Variants in PITRM1 observed in about 807,000 individuals in gnomAD.
PITRM1 encodes the protein pitrilysin metallopeptidase 1.
A neutral mutation model predicts 129.9 loss-of-function variants in PITRM1; 100 were observed. The ratio of observed to expected loss-of-function variants is 0.77; its 90% confidence interval spans 0.65 to 0.91. The LOEUF (loss-of-function observed/expected upper bound fraction) is 0.91, where lower values mean the gene tolerates loss of function less well. Ranked by LOEUF, PITRM1 falls within the 40% of genes least tolerant of loss-of-function variation. The pLI, the probability that PITRM1 is intolerant of heterozygous loss-of-function variation, is 0.00. For missense variants in PITRM1, 1,471 were observed against 1,318.3 expected, an observed-to-expected ratio of 1.12 and a Z score of -1.79; for synonymous variants, 591 against 508.8, an observed-to-expected ratio of 1.16 and a Z score of -2.17.
chr10:3,157,121 C>G (rs1392680237), intron 12 of PITRM1, 57 bp from the exon 13 acceptor site: 2 of 1,510,620 alleles, frequency 1.3e-6, no homozygotes, highest in Non-Finnish European at 1.8e-6. Context: ...CAACCTCCAC[C>G]AACAGCCCAG....
At chr10:3,151,025 A>AAC (rs200445621) in intron 15 of PITRM1, among the ~76,000 whole-genome samples, 19 of 151,628 alleles carry the variant, frequency 1.3e-4, no homozygotes, top group East Asian at 9.7e-4. Context: ...CCCTCTCAGG[A>AAC]ACACACACAC....
intron 9 of PITRM1, 91 bp downstream of exon 9, chr10:3,159,757 C>A: frequency 1.4e-6 from 1 of 720,316 alleles, no homozygotes; most frequent in Non-Finnish European, 2.4e-6. Flanking sequence ...TATTAATTAA[C>A]ATTCAATTGT....
At chr10:3,166,014 CAT>C (rs934049441) in intron 4 of PITRM1, among the ~76,000 whole-genome samples, 6 of 152,178 alleles carry the variant, frequency 3.9e-5, no homozygotes, top group East Asian at 1.9e-4. Flanking sequence ...GAAAAGTTCA[CAT>C]ATGTTTTCTT....
intron 23 of PITRM1, among the ~76,000 whole-genome samples, chr10:3,142,170 G>A (rs1840297117): frequency 6.6e-6 from 1 of 152,220 alleles, no homozygotes; most frequent in Admixed American, 6.5e-5. Flanking sequence ...TGCCGGCATA[G>A]CAGACAGATC....
intron 7 of PITRM1, 118 bp from the exon 8 acceptor site, chr10:3,160,448 G>A (rs1842352006): frequency 1.5e-5 from 12 of 799,910 alleles, no homozygotes; most frequent in South Asian, 3.5e-5. Context: ...CTCGCCTTTC[G>A]GTTTCAGTCA....
intron 18 of PITRM1, 110 bp from the exon 19 acceptor site, chr10:3,147,847 TA>T (rs1841065105): frequency 2.5e-6 from 3 of 1,179,346 alleles, no homozygotes; most frequent in Non-Finnish European, 3.6e-6. Context: ...AAAGAAATTT[TA>T]TAAGTCCATA....
chr10:3,157,410 A>G (rs772593107), intron 12 of PITRM1, 25 bp downstream of exon 12: 10 of 1,455,148 alleles, frequency 6.9e-6, no homozygotes, highest in Admixed American at 6.3e-5. Flanking sequence ...TAAAACAAAA[A>G]CAAAATTGTT....
At chr10:3,165,920 T>C (rs1028793149) in intron 4 of PITRM1, among the ~76,000 whole-genome samples, 9 of 152,222 alleles carry the variant, frequency 5.9e-5, no homozygotes, top group African/African-American at 2.2e-4. Flanking sequence ...TCGTCAGTCT[T>C]ACTAAAAGTC....
intron 14 of PITRM1, among the ~76,000 whole-genome samples, chr10:3,154,187 A>G (rs914341838): frequency 6.6e-6 from 1 of 152,194 alleles, no homozygotes. Context: ...GAGATGCACC[A>G]ATACCAAGCG....
chr10:3,154,291 A>G (rs2132437450), intron 14 of PITRM1, among the ~76,000 whole-genome samples: 1 of 152,258 alleles, frequency 6.6e-6, no homozygotes, highest in African/African-American at 2.4e-5. Flanking sequence ...CTTTGTGCGG[A>G]CGCCTGTTTT....
Position 3,160,350 on chromosome 10 carries a change from T to A in PITRM1, c.792-20A>T, listed in dbSNP as rs754083775. ...AAGAACCTAAAATTTTAAGGGAATA[T>A]AATTAGTCTGTTTTAGTTTAAAAGA... On this transcript the variant is annotated intron_variant, in intron 7 of 26. Coordinates refer to ENST00000224949, the MANE Select transcript of PITRM1 (RefSeq NM_014889.4). 1 of 1,583,684 alleles carries A rather than the reference T, an allele frequency of 6.3e-7. No individual in the cohort carries two copies. The highest frequency in any genetic ancestry group is 2.2e-5 in the East Asian group (1 of 44,750).
At chr10:3,164,173 TG>T (rs1353537432) in intron 6 of PITRM1, 1 of 176,976 alleles carries the variant, frequency 5.7e-6, no homozygotes, top group Non-Finnish European at 1.2e-5. Flanking sequence ...TAAATCGGGA[TG>T]GATCAGTCGG....
At chr10:3,141,718 T>G (rs1186364962) in intron 23 of PITRM1, 1 of 465,808 alleles carries the variant, frequency 2.1e-6, no homozygotes, top group East Asian at 7.1e-5. Flanking sequence ...AGGTCGCCGC[T>G]TCCACAGACA....
intron 15 of PITRM1, among the ~76,000 whole-genome samples, chr10:3,149,994 C>G (rs1841344094): frequency 6.6e-6 from 1 of 152,160 alleles, no homozygotes; most frequent in African/African-American, 2.4e-5. Context: ...AACTTCTGGT[C>G]TCATAACTGC....
chr10:3,157,476 T>C lies in PITRM1; in HGVS notation c.1306A>G (p.Met436Val), dbSNP rs768129783. The C allele has an allele frequency of 1.2e-6, 2 of 1,611,510 alleles. No homozygotes were observed. The highest frequency in any genetic ancestry group is 2.2e-5 in the South Asian group (2 of 90,838). The part of the protein sequence containing the change: ...EALLHKIEIQ[M>V]KHQSTSFGLM... ...CCAAAGCTGGTAGACTGATGTTTCA[T>C]CTGTATTTCAATTTTATGAAGTAAA... The change falls in exon 12 of 27, where the codon ATG becomes GTG. Residue 436 changes from methionine (M) to valine (V), a missense_variant. Met to Val is a conservative substitution (Grantham distance 21, BLOSUM62 1). Transcript: ENST00000224949.
chr10:3,167,908 G>A (rs1843008042), intron 2 of PITRM1: 1 of 152,126 alleles, frequency 6.6e-6, no homozygotes, highest in African/African-American at 2.4e-5. Flanking sequence ...GGATAGAAAT[G>A]CCCACAAGAC....
At chr10:3,143,536 T>C (rs1393932740) in intron 22 of PITRM1, 35 bp from the exon 23 acceptor site, 2 of 1,422,794 alleles carry the variant, frequency 1.4e-6, no homozygotes, top group Admixed American at 3.3e-5. Context: ...GCGGCTGTGC[T>C]GCCATGCACC....
Position 3,143,468 on chromosome 10 carries a change from G to A in PITRM1, c.2566C>T (p.His856Tyr), listed in dbSNP as rs769525627. ...PTFKPWQMKT[H>Y]FLMPFPVNYV... Reference sequence around the variant, plus strand: ...TTCACCGGGAAGGGCATCAGGAAGTGAGTCTTCATCTGCCAGGGCTTGAAG... The same window carrying A: ...TTCACCGGGAAGGGCATCAGGAAGTAAGTCTTCATCTGCCAGGGCTTGAAG... Residue 856 changes from histidine to tyrosine, a missense_variant, in exon 23 of 27, where the codon CAC (histidine) becomes TAC (tyrosine). His to Tyr is a moderately conservative substitution (Grantham distance 83). Transcript: ENST00000224949. The A allele has an allele frequency of 2.5e-6, 4 of 1,613,648 alleles. No homozygotes were observed. The highest frequency in any genetic ancestry group is 1.7e-4 in the Middle Eastern group (1 of 6,060).
rs547269826 is a variant in PITRM1, at chr10:3,164,199, G to A, written c.631-314C>T. 2.1e-3 allele frequency: 335 copies of A among 162,066 alleles called. 1 individual carries two copies. Among genetic ancestry groups the A allele is most frequent in the Non-Finnish European group, 3.4e-3 (250 of 74,510 alleles). The allele number at this position is 162,066 out of a possible 1,614,324, so 10.0% of individuals were successfully genotyped here. A position where few individuals can be genotyped will look rare whatever the true frequency, so the allele number is the denominator to read the frequency against. On this transcript the variant is annotated intron_variant, in intron 6 of 26. Transcript: ENST00000224949. ...GGATCAGTCGGTCTGCCCACCAGCCGTGAGGGAAGTGGGGAGAAGCTGTCA... is the reference window on the plus strand; with the variant it reads ...GGATCAGTCGGTCTGCCCACCAGCCATGAGGGAAGTGGGGAGAAGCTGTCA...
Sources: gnomAD v4.1 joint callset for allele counts (sites outside exome capture counted in the v4.1 genomes callset) on GRCh38, gnomAD v4.1.1 for gene constraint, MANE v1.5 for transcripts, NCBI Gene and HGNC (gene_info 2026-07-23, HGNC 2026-07-21) for gene names.